Variants in ZNF285 observed in about 807,000 individuals in gnomAD.
The protein encoded by ZNF285 is zinc finger protein 285, also known as zinc finger protein 285A.
In ZNF285, 4 loss-of-function variants were observed where a neutral mutation model predicts 6.2. The observed-to-expected ratio is 0.65, with a 90% confidence interval of 0.32 to 1.49. The LOEUF (loss-of-function observed/expected upper bound fraction) is 1.49. Among genes scored for constraint, ZNF285 ranks in the 40% most tolerant of loss-of-function variants. The pLI is 0.07. For missense variants in ZNF285, 695 were observed against 708.8 expected (o/e 0.98, Z 0.22); for synonymous variants, 240 against 245.8 (o/e 0.98, Z 0.22).
intron 2 of ZNF285, among the ~76,000 whole-genome samples, chr19:44,396,367 C>T (rs1045491621): frequency 1.3e-5 from 2 of 152,080 alleles, no homozygotes; most frequent in African/African-American, 4.8e-5. Flanking sequence ...AAAATCCTTC[C>T]TCCACACTGT....
intron 3 of ZNF285, among the ~76,000 whole-genome samples, chr19:44,391,391 T>C (rs1971194468): frequency 1.3e-5 from 2 of 152,066 alleles, no homozygotes; most frequent in Admixed American, 6.5e-5. Context: ...TCTGTATTAG[T>C]CCATTCTCAC....
chr19:44,398,590 C>T (rs1971323655), intron 1 of ZNF285, among the ~76,000 whole-genome samples: 1 of 152,176 alleles, frequency 6.6e-6, no homozygotes, highest in African/African-American at 2.4e-5. Flanking sequence ...GTAAGTTACC[C>T]TGCTATCACT....
chr19:44,390,891 T>G (rs1422209971), intron 3 of ZNF285, among the ~76,000 whole-genome samples: 1 of 151,964 alleles, frequency 6.6e-6, no homozygotes, highest in African/African-American at 2.4e-5. Flanking sequence ...CACGGTGGCT[T>G]GCACCTGTAA....
In ZNF285 at chr19:44,401,106, G is replaced by A. The variant is rs551394116; in HGVS notation, c.-44+462C>T. Among the ~76,000 whole-genome samples the A allele has an allele frequency of 2.3e-3, 353 of 152,068 alleles. 1 individual carries two copies. The highest frequency in any genetic ancestry group is 3.6e-3 in the Non-Finnish European group (242 of 68,014). On this transcript the variant is annotated intron_variant, in intron 1 of 3. Coordinates refer to ENST00000614994, the MANE Select transcript of ZNF285 (RefSeq NM_152354.6). ...CAGAATCGCCCCCACCAAACTGAGCGAGAACAGCCGAAGCCATCCTCTATA... is the reference window on the plus strand; with the variant it reads ...CAGAATCGCCCCCACCAAACTGAGCAAGAACAGCCGAAGCCATCCTCTATA...
chr19:44,398,069 A>C (rs1465317841), intron 1 of ZNF285, among the ~76,000 whole-genome samples: 2 of 151,984 alleles, frequency 1.3e-5, no homozygotes, highest in African/African-American at 4.8e-5. Flanking sequence ...TTAATCAATA[A>C]TACAAATTTT....
rs547013878 is a variant in ZNF285 at position 44,387,471 on chromosome 19, T to G, written c.774A>C (p.Lys258Asn). The G allele has an allele frequency of 3.1e-6, 5 of 1,614,070 alleles. No individual in the cohort carries two copies. In the South Asian group the frequency reaches 5.5e-5, roughly 18 times the overall value. ...TTCCATACTGGTCACATTTATAAGA[T>G]TTTTCTCCTAGGTGAGTGCTGTGAT... Reference protein sequence around the residue: ...HVHHSTHLGEKSYKCDQYGKN... With the variant: ...HVHHSTHLGENSYKCDQYGKN... Residue 258 changes from lysine (K) to asparagine (N), a missense_variant, in exon 4 of 4, where the codon AAA becomes AAC. By Grantham distance (94) the Lys-to-Asn change is moderately conservative. Transcript: ENST00000614994.
Position 44,387,096 on chromosome 19 carries a change from C to G in ZNF285, c.1149G>C (p.Gln383His), listed in dbSNP as rs774912290. The G allele has an allele frequency of 3.3e-5, 53 of 1,614,104 alleles. No homozygotes were observed. In the Middle Eastern group the frequency reaches 5.0e-4, roughly 15 times the overall value. ...KCEECGKGFDQSSNLLVHQRV... is the reference protein window; with the variant it reads ...KCEECGKGFDHSSNLLVHQRV... ...TCTGATGGACAAGAAGGTTGGAGCT[C>G]TGATCAAAGCCCTTCCCACACTCTT... The change falls in exon 4 of 4, where the codon CAG becomes CAC. Residue 383 changes from glutamine to histidine, a missense_variant. By Grantham distance (24) the Gln-to-His change is conservative (BLOSUM62 0). Coordinates refer to ENST00000614994, the MANE Select transcript of ZNF285 (RefSeq NM_152354.6).
In ZNF285 at chr19:44,392,039, T is replaced by C. The variant is rs192174699; in HGVS notation, c.142+301A>G. Among the ~76,000 whole-genome samples, 160 of 152,224 alleles carry C rather than the reference T, an allele frequency of 1.1e-3. 1 individual carries two copies. Among genetic ancestry groups the C allele is most frequent in the African/African-American group, 3.8e-3 (157 of 41,498 alleles). The stretch of plus-strand genomic sequence containing the variant: ...TGTGTGAATTTTATCAGTCTCATTC[T>C]GAGAAATATGAGGAATGAGAGCCTA... On this transcript the variant is annotated intron_variant, in intron 3 of 3. Transcript: ENST00000614994.
chr19:44,387,808 G>A lies in ZNF285; in HGVS notation c.437C>T (p.Thr146Ile), dbSNP rs372780405. ...GTTGGCTTTCCTCCACGATTCTGGG[G>A]TAAGAACCTGTGTCAGGCTTTGCCA... ...TAWQSLTQVL[T>I]PESWRKANIM... The change falls in exon 4 of 4, where the codon ACC becomes ATC. Residue 146 changes from threonine to isoleucine, a missense_variant. Transcript: ENST00000614994. 2 of 1,613,876 alleles carry A rather than the reference G, an allele frequency of 1.2e-6. No homozygotes were observed. The highest frequency in any genetic ancestry group is 2.2e-5 in the East Asian group (1 of 44,884).
chr19:44,387,145 G>T lies in ZNF285; in HGVS notation c.1100C>A (p.Thr367Lys), dbSNP rs1214119010. ...SLLCIHQGVH[T>K]GKKPYKCEEC... ...TTCACATTTATAGGGCTTTTTCCCT[G>T]TGTGTACTCCCTGATGAATACAAAG... Residue 367 changes from threonine (T) to lysine (K), a missense_variant, in exon 4 of 4, where the codon ACA becomes AAA. Coordinates refer to ENST00000614994, the MANE Select transcript of ZNF285 (RefSeq NM_152354.6). The T allele has an allele frequency of 7.4e-6, 12 of 1,613,972 alleles. No homozygotes were observed. Among genetic ancestry groups the T allele is most frequent in the Admixed American group, 1.7e-5 (1 of 59,980 alleles).
chr19:44,388,413 T>G (rs1259213833), intron 3 of ZNF285, among the ~76,000 whole-genome samples: 2 of 151,036 alleles, frequency 1.3e-5, no homozygotes, highest in East Asian at 3.9e-4. Context: ...GATTCCCATC[T>G]CTACAAAAAA....
At position 44,383,826 on chromosome 19, in the gene ZNF285, T is replaced by G. The variant is rs988488951; in HGVS notation, c.*2646A>C. On this transcript the variant is annotated 3_prime_UTR_variant, in exon 4 of 4. Coordinates refer to ENST00000614994, the MANE Select transcript of ZNF285 (RefSeq NM_152354.6). ...GGCTCCCACTGATTGGGAGCTAGACTAATTTCTGCTTTTTCCATGCTACTT... is the reference window on the plus strand; with the variant it reads ...GGCTCCCACTGATTGGGAGCTAGACGAATTTCTGCTTTTTCCATGCTACTT... 6.6e-6 allele frequency: 1 copy of G among 152,214 alleles called. No homozygotes were observed. Among genetic ancestry groups the G allele is most frequent in the Non-Finnish European group, 1.5e-5 (1 of 68,034 alleles). 9.4% of individuals were successfully genotyped at this position (152,214 alleles called of 1,614,324 possible). A position where few individuals can be genotyped will look rare whatever the true frequency, so the allele number is the denominator to read the frequency against.
At chr19:44,389,958 T>G (rs1475887585) in intron 3 of ZNF285, among the ~76,000 whole-genome samples, 2 of 152,186 alleles carry the variant, frequency 1.3e-5, no homozygotes, top group Non-Finnish European at 2.9e-5. Context: ...TTATAAGCTG[T>G]GTGATCGTGG....
Position 44,385,587 on chromosome 19 carries a change from T to G in ZNF285, c.*885A>C, listed in dbSNP as rs1046734556. 3.3e-5 allele frequency: 5 copies of G among 152,222 alleles called. No individual in the cohort carries two copies. The highest frequency in any genetic ancestry group is 6.5e-5 in the Admixed American group (1 of 15,290). The allele number at this position is 152,222 out of a possible 1,614,324, so 9.4% of individuals were successfully genotyped here. A position where few individuals can be genotyped will look rare whatever the true frequency, so the allele number is the denominator to read the frequency against. On this transcript the variant is annotated 3_prime_UTR_variant, in exon 4 of 4. Coordinates refer to ENST00000614994, the MANE Select transcript of ZNF285 (RefSeq NM_152354.6). Reference sequence around the variant, plus strand: ...AACATATTGCTATAAAATCCCTCCATGCTAGTCAGGATAGCCTAGGCAATG... The same window carrying G: ...AACATATTGCTATAAAATCCCTCCAGGCTAGTCAGGATAGCCTAGGCAATG...
chr19:44,386,577 A>T lies in ZNF285; in HGVS notation c.1668T>A (p.Leu556=), dbSNP rs1359377000. Residue 556 remains leucine, a synonymous_variant, in exon 4 of 4, where the codon CTT becomes CTA. Coordinates refer to ENST00000614994, the MANE Select transcript of ZNF285 (RefSeq NM_152354.6). ...GKGFSRNSYL[L]AHQRVHIDET... ...CATCTATATGCACTCTCTGATGGGC[A>T]AGGAGGTATGAATTACGACTGAAGC... 6.2e-7 allele frequency: 1 copy of T among 1,614,054 alleles called. No homozygotes were observed. Among genetic ancestry groups the T allele is most frequent in the Non-Finnish European group, 8.5e-7 (1 of 1,180,010 alleles).
At chr19:44,388,270 G>T (rs1212063029) in intron 3 of ZNF285, among the ~76,000 whole-genome samples, 168 bp from the exon 4 acceptor site, 1 of 152,088 alleles carries the variant, frequency 6.6e-6, no homozygotes, top group Non-Finnish European at 1.5e-5. Context: ...TAGAAATCAA[G>T]TGTTGTAGGG....
At position 44,387,140 on chromosome 19, in the gene ZNF285, T is replaced by G. The variant is rs755016704; in HGVS notation, c.1105A>C (p.Lys369Gln). 3 of 1,613,918 alleles carry G rather than the reference T, an allele frequency of 1.9e-6. No individual in the cohort carries two copies. Among genetic ancestry groups the G allele is most frequent in the East Asian group, 2.2e-5 (1 of 44,850 alleles). The change falls in exon 4 of 4, where the codon AAA becomes CAA. Residue 369 changes from lysine (K) to glutamine (Q), a missense_variant. Lys to Gln is a moderately conservative substitution (Grantham distance 53). Transcript: ENST00000614994. Reference protein sequence around the residue: ...LCIHQGVHTGKKPYKCEECGK... With the variant: ...LCIHQGVHTGQKPYKCEECGK... ...CACTCTTCACATTTATAGGGCTTTT[T>G]CCCTGTGTGTACTCCCTGATGAATA...
rs189785359 is a variant in ZNF285 at position 44,382,944 on chromosome 19, C to T, written c.*3528G>A. ...ACTGAAGAATGTGGGAGTCTGAGGC[C>T]CCAGATAGCTCCTCACCTAGGCATC... On this transcript the variant is annotated 3_prime_UTR_variant, in exon 4 of 4. Transcript: ENST00000614994. 1.3e-5 allele frequency: 2 copies of T among 152,082 alleles called. No individual in the cohort carries two copies. Among genetic ancestry groups the T allele is most frequent in the South Asian group, 2.1e-4 (1 of 4,826 alleles). The allele number at this position is 152,082 out of a possible 1,614,324, so 9.4% of individuals were successfully genotyped here. A position where few individuals can be genotyped will look rare whatever the true frequency, so the allele number is the denominator to read the frequency against.
At position 44,386,055 on chromosome 19, in the gene ZNF285, T is replaced by C. The variant is rs1287430360; in HGVS notation, c.*417A>G. ...ATAGTAAGAGCATGGGTTTCATTTT[T>C]GAGCACACTTTTGAATGTTCTTCAT... On this transcript the variant is annotated 3_prime_UTR_variant, in exon 4 of 4. Transcript: ENST00000614994. 1.2e-5 allele frequency: 2 copies of C among 169,894 alleles called. No individual in the cohort carries two copies. Among genetic ancestry groups the C allele is most frequent in the Non-Finnish European group, 1.3e-5 (1 of 76,870 alleles). The allele number at this position is 169,894 out of a possible 1,614,324, so 10.5% of individuals were successfully genotyped here.
Sources: gnomAD v4.1 joint callset for allele counts (sites outside exome capture counted in the v4.1 genomes callset) on GRCh38, gnomAD v4.1.1 for gene constraint, MANE v1.5 for transcripts, NCBI Gene and HGNC (gene_info 2026-07-23, HGNC 2026-07-21) for gene names.